The following CACNA2D3 variants were observed in gnomAD, a reference collection of about 807,000 sequenced individuals.
CACNA2D3 encodes the protein calcium voltage-gated channel auxiliary subunit alpha2delta 3.
CACNA2D3 carries 60 observed loss-of-function variants against 160.6 expected under a neutral mutation model. The observed-to-expected ratio is 0.37, with a 90% CI of 0.30 to 0.46. The LOEUF (loss-of-function observed/expected upper bound fraction) is 0.46. CACNA2D3 is among the 20% of genes least tolerant of loss of function. CACNA2D3 has a pLI of 1.00. For synonymous variants in CACNA2D3, 558 were observed against 492.9 expected (o/e 1.13, Z -1.75); for missense variants, 1,205 against 1,365.0 (o/e 0.88, Z 1.85).
In CACNA2D3 at chr3:54,825,505, C is replaced by T. The variant is rs548227636; in HGVS notation, c.1398+8635C>T. On this transcript the variant is annotated intron_variant, in intron 14 of 37. Transcript: ENST00000474759. ...TGGGTTTTCATTTTGGGGTCTCTTC[C>T]GTATTTCTTGGTAGATTTAGAACAC... Among the ~76,000 whole-genome samples the T allele has an allele frequency of 1.5e-4, 23 of 152,208 alleles. No individual in the cohort carries two copies. In the South Asian group the frequency reaches 3.5e-3, roughly 23 times the overall value.
At chr3:55,033,828 T>A (rs1376658507) in intron 35 of CACNA2D3, among the ~76,000 whole-genome samples, 4 of 57,010 alleles carry the variant, frequency 7.0e-5, no homozygotes, top group Non-Finnish European at 1.3e-4. Flanking sequence ...TAAATATATT[T>A]AATATATAAT....
chr3:54,635,589 G>T (rs1233493124), intron 10 of CACNA2D3, among the ~76,000 whole-genome samples: 1 of 151,996 alleles, frequency 6.6e-6, no homozygotes, highest in Admixed American at 6.5e-5. Flanking sequence ...AGCTTAAATG[G>T]GCTGTACCTT....
chr3:54,123,872 C>G (rs760209025), intron 2 of CACNA2D3, among the ~76,000 whole-genome samples: 1 of 152,190 alleles, frequency 6.6e-6, no homozygotes. Context: ...GCTCTCGTCT[C>G]CGTGTCGGTA....
At chr3:54,456,639 G>A (rs533271775) in intron 4 of CACNA2D3, among the ~76,000 whole-genome samples, 1 of 152,086 alleles carries the variant, frequency 6.6e-6, no homozygotes, top group African/African-American at 2.4e-5. Context: ...GAGTTTGGAA[G>A]TGCTACCTCC....
intron 3 of CACNA2D3, among the ~76,000 whole-genome samples, chr3:54,364,995 T>C (rs954951003): frequency 2.0e-5 from 3 of 152,238 alleles, no homozygotes; most frequent in African/African-American, 7.2e-5. Context: ...TTATGCTCTT[T>C]CTGTCTGATA....
intron 8 of CACNA2D3, among the ~76,000 whole-genome samples, chr3:54,572,273 G>A (rs1258224929): frequency 3.3e-5 from 5 of 152,160 alleles, no homozygotes; most frequent in Non-Finnish European, 5.9e-5. Flanking sequence ...AAATTCCTTG[G>A]GAGCAGGGGT....
chr3:54,766,515 G>A (rs1037231792), intron 13 of CACNA2D3, among the ~76,000 whole-genome samples: 4 of 152,182 alleles, frequency 2.6e-5, no homozygotes, highest in African/African-American at 7.2e-5. Flanking sequence ...TTCATTGATT[G>A]TGGGAATGCA....
rs539049355 is a variant in CACNA2D3 at position 54,652,235 on chromosome 3, C to T, written c.1167+9994C>T. On this transcript the variant is annotated intron_variant, in intron 11 of 37. Transcript: ENST00000474759. Reference sequence around the variant, plus strand: ...TGAAGGTGGCAAACGTTGCTGGCAGCGGAAAAAAAGGGAAGGAGGTAGCTG... The same window carrying T: ...TGAAGGTGGCAAACGTTGCTGGCAGTGGAAAAAAAGGGAAGGAGGTAGCTG... Among the ~76,000 whole-genome samples, 42 of 151,802 alleles carry T rather than the reference C, an allele frequency of 2.8e-4. 4 individuals carry two copies. Among genetic ancestry groups the T allele is most frequent in the Admixed American group, 1.9e-3 (29 of 15,274 alleles).
At chr3:54,460,273 A>G (rs1007410607) in intron 4 of CACNA2D3, among the ~76,000 whole-genome samples, 25 of 152,080 alleles carry the variant, frequency 1.6e-4, no homozygotes, top group Non-Finnish European at 3.4e-4. Context: ...TTTTGGTTCC[A>G]TATGAACTTT....
chr3:54,626,414 T>A (rs1353417713), intron 9 of CACNA2D3: 1 of 1,581,504 alleles, frequency 6.3e-7, no homozygotes, highest in Admixed American at 1.9e-5. Context: ...AAGGAGGCGC[T>A]GCCCATGGAG....
At chr3:54,613,345 C>T (rs1482407021) in intron 9 of CACNA2D3, among the ~76,000 whole-genome samples, 1 of 152,100 alleles carries the variant, frequency 6.6e-6, no homozygotes, top group Non-Finnish European at 1.5e-5. Flanking sequence ...GTTTTGTTTC[C>T]CTTGGTAGTG....
intron 4 of CACNA2D3, among the ~76,000 whole-genome samples, chr3:54,498,670 CTATT>C (rs1446223435): frequency 8.6e-5 from 13 of 151,808 alleles, no homozygotes; most frequent in East Asian, 3.9e-4. Context: ...TTAAGGTAGA[CTATT>C]TATCTTGAAA....
At chr3:54,924,493 C>T (rs565141609) in intron 27 of CACNA2D3, 60 of 740,482 alleles carry the variant, frequency 8.1e-5, no homozygotes, top group Admixed American at 7.7e-4. Flanking sequence ...GAAATGGCAC[C>T]GATGTGTAAA....
intron 9 of CACNA2D3, among the ~76,000 whole-genome samples, chr3:54,606,521 A>T (rs1327178235): frequency 6.6e-6 from 1 of 152,046 alleles, no homozygotes; most frequent in Non-Finnish European, 1.5e-5. Flanking sequence ...GGCTATTGGG[A>T]TGTGGGTTCC....
intron 35 of CACNA2D3, among the ~76,000 whole-genome samples, chr3:55,026,181 A>G (rs887354960): frequency 1.1e-4 from 17 of 152,140 alleles, no homozygotes; most frequent in African/African-American, 4.1e-4. Flanking sequence ...ACATCATGGA[A>G]TGGTTTTGCC....
intron 9 of CACNA2D3, among the ~76,000 whole-genome samples, chr3:54,590,864 T>C (rs1487930212): frequency 6.6e-6 from 1 of 152,208 alleles, no homozygotes; most frequent in Non-Finnish European, 1.5e-5. Flanking sequence ...ATCAAATTAG[T>C]GTGAACGGTT....
At chr3:54,464,776 A>T (rs1700583080) in intron 4 of CACNA2D3, among the ~76,000 whole-genome samples, 1 of 152,204 alleles carries the variant, frequency 6.6e-6, no homozygotes, top group Non-Finnish European at 1.5e-5. Context: ...GGTGCGCTGC[A>T]CGCACTGTCC....
chr3:55,044,650 G>T (rs925965835), intron 35 of CACNA2D3, among the ~76,000 whole-genome samples: 1 of 151,664 alleles, frequency 6.6e-6, no homozygotes, highest in Non-Finnish European at 1.5e-5. Flanking sequence ...CCAGAGTGAT[G>T]GTGAATAGGA....
Position 54,987,713 on chromosome 3 carries a change from G to A in CACNA2D3, c.2650G>A (p.Ala884Thr). 3 of 1,611,054 alleles carry A rather than the reference G, an allele frequency of 1.9e-6. No individual in the cohort carries two copies. Among genetic ancestry groups the A allele is most frequent in the Non-Finnish European group, 2.5e-6 (3 of 1,178,914 alleles). The change falls in exon 31 of 38, where the codon GCT becomes ACT. Residue 884 changes from alanine (A) to threonine (T), a missense_variant. By Grantham distance (58) the Ala-to-Thr change is moderately conservative. Coordinates refer to ENST00000474759, the MANE Select transcript of CACNA2D3 (RefSeq NM_018398.3). The part of the protein sequence containing the change: ...TGDFFGEIEG[A>T]VMNKLLTMGS... ...AGACTTTTTTGGTGAGATCGAGGGA[G>A]CTGTGATGAACAAATTGCTAACAAT... is the stretch of plus-strand genomic sequence containing the variant.
Sources: gnomAD v4.1 joint callset for allele counts (sites outside exome capture counted in the v4.1 genomes callset) on GRCh38, gnomAD v4.1.1 for gene constraint, MANE v1.5 for transcripts, NCBI Gene and HGNC (gene_info 2026-07-23, HGNC 2026-07-21) for gene names.